ABTB2: variants seen among roughly 807,000 people sequenced by gnomAD.
ABTB2 encodes ankyrin repeat and BTB domain containing 2.
In ABTB2, 56 loss-of-function variants were observed where a neutral mutation model predicts 104.1. That is an observed-to-expected ratio of 0.54 (90% CI 0.43 to 0.67). ABTB2 has a LOEUF of 0.67. Ranked by LOEUF, ABTB2 falls within the 30% of genes least tolerant of loss-of-function variation. The probability of loss-of-function intolerance (pLI) is 0.00; values close to 1 mark genes in which losing one functional copy is unlikely to be tolerated. For missense variants in ABTB2, 1,279 were observed against 1,407.7 expected (o/e 0.91, Z 1.46); for synonymous variants, 606 against 608.2 (o/e 1.00, Z 0.05).
chr11:34,170,834 C>T (rs770261225), intron 5 of ABTB2, 72 bp downstream of exon 5: 56 of 1,558,362 alleles, frequency 3.6e-5, no homozygotes, highest in Admixed American at 5.4e-5. Flanking sequence ...GACAGAGGGC[C>T]GCCAATGCTG....
At chr11:34,293,335 G>A (rs906302811) in intron 1 of ABTB2, among the ~76,000 whole-genome samples, 8 of 152,126 alleles carry the variant, frequency 5.3e-5, no homozygotes, top group Non-Finnish European at 7.4e-5. Flanking sequence ...TGAGGGCAGC[G>A]TCCTGGCTGA....
chr11:34,303,819 T>C (rs1854740215), intron 1 of ABTB2, among the ~76,000 whole-genome samples: 1 of 151,964 alleles, frequency 6.6e-6, no homozygotes, highest in African/African-American at 2.4e-5. Flanking sequence ...ATTTTTGTAT[T>C]TTTAGTAGAG....
At chr11:34,342,268 T>G (rs1427498920) in intron 1 of ABTB2, among the ~76,000 whole-genome samples, 9 of 152,218 alleles carry the variant, frequency 5.9e-5, no homozygotes, top group Admixed American at 3.9e-4. Flanking sequence ...ACCCCACAGT[T>G]CTCAGGCGCA....
At chr11:34,346,055 C>A (rs1220520493) in intron 1 of ABTB2, among the ~76,000 whole-genome samples, 2 of 152,176 alleles carry the variant, frequency 1.3e-5, no homozygotes, top group African/African-American at 4.8e-5. Context: ...AGCCTGTATA[C>A]CTCGGAGCAT....
In ABTB2 at chr11:34,357,450, G is replaced by A. The variant is rs1855482200; in HGVS notation, c.134C>T (p.Ser45Leu). 6 of 1,548,156 alleles carry A rather than the reference G, an allele frequency of 3.9e-6. No individual in the cohort carries two copies. The South Asian group carries it at 5.9e-5, about 15-fold the overall frequency. Residue 45 changes from serine (S) to leucine (L), a missense_variant, in exon 1 of 17, where the codon TCG (serine) becomes TTG (leucine). Physicochemically the swap from Ser to Leu is moderately radical, Grantham distance 145. Coordinates refer to ENST00000435224, the MANE Select transcript of ABTB2 (RefSeq NM_145804.3). ...GGCCGCCCCGCGGTGCTGCTGCGCC[G>A]AAGAGTTGAGCGCCTGCGAGTTGGA... is the stretch of plus-strand genomic sequence containing the variant. ...SKSNSQALNS[S>L]AQQHRGAAWW... is the part of the protein sequence containing the mutation.
chr11:34,237,764 G>A (rs567008217), intron 1 of ABTB2, among the ~76,000 whole-genome samples: 203 of 152,208 alleles, frequency 1.3e-3, no homozygotes, highest in Non-Finnish European at 2.5e-3. Flanking sequence ...AGTGGTGGGC[G>A]CCTATAATCC....
intron 1 of ABTB2, among the ~76,000 whole-genome samples, chr11:34,277,848 A>G (rs1312426988): frequency 2.5e-4 from 31 of 122,038 alleles, no homozygotes; most frequent in Middle Eastern, 6.0e-3. Context: ...CTTGTTGCCC[A>G]GCCTGGAGTA....
rs1379761224 is a variant in ABTB2, at chr11:34,356,564, C to T, written c.883+137G>A. 13 of 1,225,824 alleles carry T rather than the reference C, an allele frequency of 1.1e-5. No homozygotes were observed. The highest frequency in any genetic ancestry group is 1.2e-5 in the Non-Finnish European group (11 of 897,966). 75.9% of individuals were successfully genotyped at this position (1,225,824 alleles called of 1,614,324 possible). Reference sequence around the variant, plus strand: ...CTCTGGCAAGTGCCATGTAATGAACCCTATCCTCAGACCAAACGTTTTCTC... The same window carrying T: ...CTCTGGCAAGTGCCATGTAATGAACTCTATCCTCAGACCAAACGTTTTCTC... On this transcript the variant is annotated intron_variant, in intron 1 of 16. Coordinates refer to ENST00000435224, the MANE Select transcript of ABTB2 (RefSeq NM_145804.3). This position sits in a 1 kb window ranked among gnomAD's most constrained non-coding sequence, Gnocchi z 4.6.
intron 1 of ABTB2, among the ~76,000 whole-genome samples, chr11:34,205,117 A>T (rs1853393472): frequency 6.6e-6 from 1 of 152,170 alleles, no homozygotes; most frequent in Admixed American, 6.5e-5. Context: ...TGCTATACTT[A>T]GGGTTCTGGG....
In ABTB2 at chr11:34,340,814, T is replaced by C. The variant is rs1855253526; in HGVS notation, c.883+15887A>G. Among the ~76,000 whole-genome samples the C allele has an allele frequency of 7.9e-5, 12 of 152,170 alleles. No homozygotes were observed. The South Asian group carries it at 2.3e-3, about 29-fold the overall frequency. On this transcript the variant is annotated intron_variant, in intron 1 of 16. Coordinates refer to ENST00000435224, the MANE Select transcript of ABTB2 (RefSeq NM_145804.3). ...CACCTCTGAAAGAGCTCACCTCCCA[T>C]GGTGGAAGAAACAGTCCCTGAATGA...
At chr11:34,248,365 A>G (rs1055380979) in intron 1 of ABTB2, among the ~76,000 whole-genome samples, 2 of 152,086 alleles carry the variant, frequency 1.3e-5, no homozygotes, top group Non-Finnish European at 2.9e-5. Context: ...AGTGCTAGGT[A>G]TGAGCCACTG....
At chr11:34,205,281 CACTTCAAGAAGGGG>C (rs1853395869) in intron 1 of ABTB2, among the ~76,000 whole-genome samples, 1 of 152,216 alleles carries the variant, frequency 6.6e-6, no homozygotes, top group Non-Finnish European at 1.5e-5. Flanking sequence ...CTGCCTTCTC[CACTTCAAGAAGGGG>C]ACGTGTCCTA....
intron 1 of ABTB2, among the ~76,000 whole-genome samples, chr11:34,256,488 G>A (rs554448434): frequency 1.6e-4 from 24 of 152,298 alleles, no homozygotes; most frequent in African/African-American, 5.5e-4. Flanking sequence ...TTGTGGATCC[G>A]TGCTAAAGCA....
chr11:34,209,369 A>G (rs1176774223), intron 1 of ABTB2, among the ~76,000 whole-genome samples: 1 of 150,214 alleles, frequency 6.7e-6, no homozygotes, highest in Non-Finnish European at 1.5e-5. Context: ...TTTCCCCCAG[A>G]AAAGAGAATA....
At position 34,324,976 on chromosome 11, in the gene ABTB2, T is replaced by A. The variant is rs189082338; in HGVS notation, c.883+31725A>T. Among the ~76,000 whole-genome samples the A allele has an allele frequency of 6.2e-4, 94 of 152,266 alleles. 1 individual carries two copies. Among genetic ancestry groups the A allele is most frequent in the African/African-American group, 2.2e-3 (90 of 41,558 alleles). On this transcript the variant is annotated intron_variant, in intron 1 of 16. Coordinates refer to ENST00000435224, the MANE Select transcript of ABTB2 (RefSeq NM_145804.3). Reference sequence around the variant, plus strand: ...GTTAGAGTGCTTTCCAGTTCTTTTTTTGGTTTGTTCTTTTTTGTTGTTGAG... The same window carrying A: ...GTTAGAGTGCTTTCCAGTTCTTTTTATGGTTTGTTCTTTTTTGTTGTTGAG...
intron 9 of ABTB2, among the ~76,000 whole-genome samples, 153 bp downstream of exon 9, chr11:34,164,533 T>C (rs1217077082): frequency 6.6e-6 from 1 of 152,066 alleles, no homozygotes; most frequent in Non-Finnish European, 1.5e-5. Flanking sequence ...CAGGCTAAAC[T>C]CCCCCATGTT....
At chr11:34,244,853 C>T (rs1280526652) in intron 1 of ABTB2, among the ~76,000 whole-genome samples, 2 of 152,020 alleles carry the variant, frequency 1.3e-5, no homozygotes, top group Non-Finnish European at 2.9e-5. Context: ...ACCAAAAATA[C>T]AAAAATTAGC....
intron 1 of ABTB2, among the ~76,000 whole-genome samples, chr11:34,277,737 C>T (rs1854400448): frequency 1.3e-5 from 2 of 151,246 alleles, no homozygotes; most frequent in Admixed American, 1.3e-4. Context: ...CACTGCACTC[C>T]AGCCTGGGTG....
intron 2 of ABTB2, among the ~76,000 whole-genome samples, chr11:34,198,391 C>T (rs1853290220): frequency 6.6e-6 from 1 of 151,958 alleles, no homozygotes; most frequent in Admixed American, 6.6e-5. Context: ...TGCCACCACA[C>T]TCCAGTCTGG....
Sources: gnomAD v4.1 joint callset for allele counts (sites outside exome capture counted in the v4.1 genomes callset) on GRCh38, gnomAD v4.1.1 for gene constraint, Gnocchi (gnomAD v3.1) non-coding constraint, MANE v1.5 for transcripts, NCBI Gene and HGNC (gene_info 2026-07-23, HGNC 2026-07-21) for gene names.